Variants in GCM1 observed in about 807,000 individuals in gnomAD.
GCM1 encodes chorion-specific transcription factor GCMa.
GCM1 carries 2 observed loss-of-function variants against 25.7 expected under a neutral mutation model. The ratio of observed to expected loss-of-function variants is 0.08; its 90% CI spans 0.03 to 0.24. The LOEUF is 0.24. Among genes scored for constraint, GCM1 ranks in the 10% least tolerant of loss-of-function variants. GCM1 has a pLI of 1.00. For synonymous variants in GCM1, 183 were observed against 195.7 expected (o/e 0.94, Z 0.54); for missense variants, 395 against 538.7 (o/e 0.73, Z 2.64).
chr6:53,131,098 T>C (rs1763719021), intron 4 of GCM1, among the ~76,000 whole-genome samples, 167 bp from the exon 5 acceptor site: 1 of 152,210 alleles, frequency 6.6e-6, no homozygotes, highest in African/African-American at 2.4e-5. Flanking sequence ...AAGCCCACCA[T>C]GCTCCTGCCT....
At chr6:53,141,666 A>G (rs925840894) in intron 2 of GCM1, among the ~76,000 whole-genome samples, 5 of 151,958 alleles carry the variant, frequency 3.3e-5, no homozygotes, top group Middle Eastern at 3.4e-3. Flanking sequence ...CAGCCTGGGC[A>G]GCAGAGCGAG....
Position 53,145,770 on chromosome 6 carries a change from TA to T in GCM1, c.-136-3del, listed in dbSNP as rs1232973894. 2 of 600,390 alleles carry T rather than the reference TA, an allele frequency of 3.3e-6. No homozygotes were observed. The highest frequency in any genetic ancestry group is 5.9e-6 in the Non-Finnish European group (2 of 339,338). 37.2% of individuals were successfully genotyped at this position (600,390 alleles called of 1,614,324 possible). A position where few individuals can be genotyped will look rare whatever the true frequency, so the allele number is the denominator to read the frequency against. ...GGACCAGGAGATTGTTTTCTAGGGC[TA>T]AAAAAATAAGTTATATTAGTATTGG... On this transcript the variant is annotated splice_polypyrimidine_tract_variant and splice_region_variant and intron_variant, in intron 1 of 5. Coordinates refer to ENST00000259803, the MANE Select transcript of GCM1 (RefSeq NM_003643.4).
chr6:53,137,812 G>C (rs1260099172), intron 2 of GCM1, among the ~76,000 whole-genome samples: 1 of 152,170 alleles, frequency 6.6e-6, no homozygotes, highest in Non-Finnish European at 1.5e-5. Flanking sequence ...CTTTAGGCTG[G>C]TCAGAGCCAT....
intron 5 of GCM1, 26 bp from the exon 6 acceptor site, chr6:53,128,972 G>T: frequency 6.3e-7 from 1 of 1,591,712 alleles, no homozygotes. Flanking sequence ...AAATGCTCGT[G>T]TTAATAAGTT....
At position 53,145,664 on chromosome 6, in the gene GCM1, A is replaced by AC; in HGVS notation, c.-33_-32insG. ...GTCAGGCCAGCCAAGGTTTTCACCT[A>AC]TTCGACTCCCCTCAGAAATGCTTGA... On this transcript the variant is annotated 5_prime_UTR_variant, in exon 2 of 6. Transcript: ENST00000259803. 1 of 1,231,096 alleles carries AC rather than the reference A, an allele frequency of 8.1e-7. No individual in the cohort carries two copies. The highest frequency in any genetic ancestry group is 1.9e-4 in the Middle Eastern group (1 of 5,344). The allele number at this position is 1,231,096 out of a possible 1,614,324, so 76.3% of individuals were successfully genotyped here.
At chr6:53,135,238 C>T (rs539345027) in intron 2 of GCM1, among the ~76,000 whole-genome samples, 255 of 152,224 alleles carry the variant, frequency 1.7e-3, no homozygotes, top group African/African-American at 5.8e-3. Flanking sequence ...ATAGTTACCA[C>T]GACTGTACTA....
intron 2 of GCM1, among the ~76,000 whole-genome samples, chr6:53,136,788 A>G (rs577271827): frequency 1.3e-5 from 2 of 152,286 alleles, no homozygotes; most frequent in African/African-American, 2.4e-5. Context: ...CAGCCTGCCC[A>G]ACATGGCAAA....
At chr6:53,141,557 G>A (rs2127510192) in intron 2 of GCM1, among the ~76,000 whole-genome samples, 1 of 152,174 alleles carries the variant, frequency 6.6e-6, no homozygotes, top group Admixed American at 6.5e-5. Flanking sequence ...CACGGTGGCA[G>A]GTGCAAGTAG....
intron 2 of GCM1, among the ~76,000 whole-genome samples, chr6:53,139,236 C>A (rs1763840981): frequency 6.6e-6 from 1 of 151,772 alleles, no homozygotes; most frequent in Non-Finnish European, 1.5e-5. Context: ...GGAAAAAAAA[C>A]CTTCAACCAA....
intron 2 of GCM1, among the ~76,000 whole-genome samples, chr6:53,141,792 C>A (rs1446680352): frequency 6.6e-6 from 1 of 150,892 alleles, no homozygotes; most frequent in East Asian, 2.0e-4. Flanking sequence ...ACTCTTGAGT[C>A]CTGGGGTTCG....
intron 4 of GCM1, 79 bp downstream of exon 4, chr6:53,131,928 T>G (rs1763732290): frequency 1.2e-6 from 1 of 818,018 alleles, no homozygotes; most frequent in South Asian, 1.4e-5. Context: ...GTGCAGGATC[T>G]CATTCACAGG....
intron 2 of GCM1, among the ~76,000 whole-genome samples, chr6:53,144,112 AG>A (rs1763918871): frequency 6.6e-6 from 1 of 152,354 alleles, no homozygotes; most frequent in South Asian, 2.1e-4. Flanking sequence ...AAGTCAAAGA[AG>A]TAAACAGTGA....
intron 2 of GCM1, among the ~76,000 whole-genome samples, chr6:53,140,301 C>A (rs545149350): frequency 6.6e-6 from 1 of 152,286 alleles, no homozygotes; most frequent in Admixed American, 6.5e-5. Flanking sequence ...AGCTCCCTAG[C>A]ACCAAGACAC....
At chr6:53,132,258 A>C (rs1763737266) in intron 3 of GCM1, 139 bp from the exon 4 acceptor site, 1 of 647,800 alleles carries the variant, frequency 1.5e-6, no homozygotes, top group Non-Finnish European at 2.8e-6. Context: ...GCTGAAATCC[A>C]CTAGATATTA....
chr6:53,131,301 G>T (rs1263762533), intron 4 of GCM1, among the ~76,000 whole-genome samples: 1 of 152,202 alleles, frequency 6.6e-6, no homozygotes, highest in African/African-American at 2.4e-5. Context: ...CTGAGGCATG[G>T]AGTGATTACG....
At chr6:53,138,875 C>T (rs1763836389) in intron 2 of GCM1, among the ~76,000 whole-genome samples, 1 of 152,174 alleles carries the variant, frequency 6.6e-6, no homozygotes, top group South Asian at 2.1e-4. Context: ...ACTTCTAGAA[C>T]ACCCTTCATA....
At position 53,128,221 on chromosome 6, in the gene GCM1, C is replaced by A. The variant is rs754600067; in HGVS notation, c.1296G>T (p.Leu432=). Residue 432 remains leucine (L), a synonymous_variant, in exon 6 of 6, where the codon CTG becomes CTT. Transcript: ENST00000259803. Reference sequence around the variant, plus strand: ...AAGATTTGGGTCATCTCAAAGGACACAGGTTCAGAAGCATATCATTGTTGC... The same window carrying A: ...AAGATTTGGGTCATCTCAAAGGACAAAGGTTCAGAAGCATATCATTGTTGC... ...DHCNNDMLLN[L]CPLR 1 of 1,607,034 alleles carries A rather than the reference C, an allele frequency of 6.2e-7. No individual in the cohort carries two copies. The highest frequency in any genetic ancestry group is 1.1e-5 in the South Asian group (1 of 91,016).
intron 2 of GCM1, among the ~76,000 whole-genome samples, chr6:53,143,240 G>A (rs950545966): frequency 1.3e-5 from 2 of 152,102 alleles, no homozygotes; most frequent in East Asian, 3.9e-4. Flanking sequence ...AACCAAATGT[G>A]CATTTTTTGC....
intron 5 of GCM1, among the ~76,000 whole-genome samples, chr6:53,130,481 T>C (rs1466566626): frequency 6.6e-6 from 1 of 152,146 alleles, no homozygotes; most frequent in Non-Finnish European, 1.5e-5. Context: ...AAGGCTACTA[T>C]TTTGTGGAGA....
Sources: gnomAD v4.1 joint callset for allele counts (sites outside exome capture counted in the v4.1 genomes callset) on GRCh38, gnomAD v4.1.1 for gene constraint, MANE v1.5 for transcripts, NCBI Gene and HGNC (gene_info 2026-07-23, HGNC 2026-07-21) for gene names.